Variants in MED15 observed in about 807,000 individuals in gnomAD.
MED15 encodes mediator of RNA polymerase II transcription subunit 15.
Under a neutral mutation model 118.7 loss-of-function variants are expected in MED15, and 41 were observed. The observed-to-expected ratio is 0.35, with a 90% CI of 0.27 to 0.45. The LOEUF (loss-of-function observed/expected upper bound fraction) is 0.45, where lower values mean the gene tolerates loss of function less well. Ranked by LOEUF, MED15 falls within the 20% of genes least tolerant of loss-of-function variation. The probability of loss-of-function intolerance (pLI) is 1.00; values close to 1 mark genes in which losing one functional copy is unlikely to be tolerated. For missense variants in MED15, 740 were observed against 1,025.5 expected, an observed-to-expected ratio of 0.72 and a Z score of 3.80; for synonymous variants, 436 against 413.9, an observed-to-expected ratio of 1.05 and a Z score of -0.65.
At chr22:20,541,002 G>T (rs1343567366) in intron 2 of MED15, among the ~76,000 whole-genome samples, 1 of 152,148 alleles carries the variant, frequency 6.6e-6, no homozygotes, top group African/African-American at 2.4e-5. Context: ...GCCGAGGTGG[G>T]CAGATCACGA....
At chr22:20,536,873 T>G (rs894608691) in intron 1 of MED15, among the ~76,000 whole-genome samples, 14 of 152,196 alleles carry the variant, frequency 9.2e-5, no homozygotes, top group Non-Finnish European at 1.5e-4. Context: ...GCCAGGGCTC[T>G]CTCTTTGCTT....
chr22:20,568,808 G>C (rs1032706679), intron 8 of MED15, among the ~76,000 whole-genome samples, 177 bp downstream of exon 8: 1 of 152,214 alleles, frequency 6.6e-6, no homozygotes, highest in Non-Finnish European at 1.5e-5. Flanking sequence ...GGGGTGGGCA[G>C]CTGTGCTTGG....
intron 1 of MED15, among the ~76,000 whole-genome samples, chr22:20,534,134 C>A (rs1330023508): frequency 6.6e-6 from 1 of 152,170 alleles, no homozygotes; most frequent in Non-Finnish European, 1.5e-5. Context: ...TTCTTCCTCT[C>A]TGACTCCTGG....
chr22:20,524,566 A>G (rs1471678368), intron 1 of MED15, among the ~76,000 whole-genome samples: 4 of 152,186 alleles, frequency 2.6e-5, no homozygotes, highest in African/African-American at 7.2e-5. Context: ...AACTCCATCC[A>G]TACTCTGACT....
rs530829794 is a variant in MED15, at chr22:20,565,079, C to T, written c.690+391C>T. ...GGCGGAGGTTGCAGTGAGCCGAGATCGCGCCGCTGCGCTCCAGCCTGGGCA... is the reference window on the plus strand; with the variant it reads ...GGCGGAGGTTGCAGTGAGCCGAGATTGCGCCGCTGCGCTCCAGCCTGGGCA... On this transcript the variant is annotated intron_variant, in intron 6 of 17. Coordinates refer to ENST00000263205, the MANE Select transcript of MED15 (RefSeq NM_001003891.3). Among the ~76,000 whole-genome samples the T allele has an allele frequency of 3.3e-5, 5 of 152,320 alleles. No individual in the cohort carries two copies. The South Asian group carries it at 8.3e-4, about 25-fold the overall frequency.
intron 1 of MED15, chr22:20,523,555 T>C: frequency 1.7e-6 from 1 of 605,180 alleles, no homozygotes; most frequent in Non-Finnish European, 2.1e-6. Flanking sequence ...TGAGTGCAGA[T>C]CTCTAAAAGA....
intron 2 of MED15, among the ~76,000 whole-genome samples, chr22:20,547,025 A>G (rs2055570779): frequency 6.6e-6 from 1 of 152,230 alleles, no homozygotes; most frequent in South Asian, 2.1e-4. Flanking sequence ...ATTCAAATTT[A>G]AACTTATATA....
chr22:20,565,877 G>C (rs908721344), intron 6 of MED15, among the ~76,000 whole-genome samples: 1 of 152,132 alleles, frequency 6.6e-6, no homozygotes, highest in Non-Finnish European at 1.5e-5. Context: ...AACCATCCTA[G>C]TGGAATGGTA....
rs1405021500 is a variant in MED15, at chr22:20,583,215, G to A, written c.1640G>A (p.Arg547His). 6.2e-7 allele frequency: 1 copy of A among 1,612,000 alleles called. No homozygotes were observed. The highest frequency in any genetic ancestry group is 8.5e-7 in the Non-Finnish European group (1 of 1,179,004). The change falls in exon 12 of 18, where the codon CGC (arginine) becomes CAC (histidine). Residue 547 changes from arginine (R) to histidine (H), a missense_variant. This residue lies in a region of MED15 where 384 missense variants were observed against 506.3 expected (regional missense o/e 0.76). Transcript: ENST00000263205. ...CTGTCGAAGTACATCGAGCCCCTGC[G>A]CCGCATGATCAACAAGATCGACAAG... The part of the protein sequence containing the change: ...KQLSKYIEPL[R>H]RMINKIDKNE...
At chr22:20,534,455 T>C (rs1276570855) in intron 1 of MED15, among the ~76,000 whole-genome samples, 1 of 152,108 alleles carries the variant, frequency 6.6e-6, no homozygotes, top group Non-Finnish European at 1.5e-5. Context: ...GCCCAGGAGT[T>C]TGAAGCTGCA....
At chr22:20,537,331 C>T in intron 2 of MED15, 127 bp downstream of exon 2, 1 of 733,558 alleles carries the variant, frequency 1.4e-6, no homozygotes, top group East Asian at 3.0e-5. Context: ...CGATTGATCA[C>T]AGGCACAGTT....
intron 4 of MED15, 78 bp from the exon 5 acceptor site, chr22:20,554,858 T>G: frequency 1.4e-6 from 2 of 1,394,122 alleles, no homozygotes; most frequent in Non-Finnish European, 1.9e-6. Flanking sequence ...ATCTGTGCTC[T>G]GTGAGCCTTA....
intron 9 of MED15, among the ~76,000 whole-genome samples, chr22:20,576,551 T>C (rs2056829352): frequency 6.6e-6 from 1 of 152,288 alleles, no homozygotes; most frequent in African/African-American, 2.4e-5. Flanking sequence ...AGATGTGCCA[T>C]TCACATAGTT....
intron 1 of MED15, chr22:20,508,050 C>A (rs2053932048): frequency 7.3e-7 from 1 of 1,370,090 alleles, no homozygotes; most frequent in Non-Finnish European, 9.4e-7. Context: ...GCTTTTTGAA[C>A]CACACTGAAT....
Position 20,566,507 on chromosome 22 carries a change from TGCAGCTCCAACAACAGCAACAGCAGCA to T in MED15, c.737_763del (p.Leu246_Gln254del), listed in dbSNP as rs1569229582. The T allele has an allele frequency of 3.1e-6, 5 of 1,609,786 alleles. No homozygotes were observed. The Admixed American group carries it at 8.4e-5, about 27-fold the overall frequency. Reference sequence around the variant, plus strand: ...CAGCAGCTGCAGCGAATAGCACAGCTGCAGCTCCAACAACAGCAACAGCAGCAGCAGCAGCAGCAGCAGCAGCAGCAG... The same window carrying T: ...CAGCAGCTGCAGCGAATAGCACAGCTGCAGCAGCAGCAGCAGCAGCAGCAG... On this transcript the variant is annotated inframe_deletion, in exon 7 of 18. Transcript: ENST00000263205.
rs559181543 is a variant in MED15, at chr22:20,585,148, G to A, written c.2012G>A (p.Arg671Gln). 31 of 1,613,580 alleles carry A rather than the reference G, an allele frequency of 1.9e-5. No homozygotes were observed. Among genetic ancestry groups the A allele is most frequent in the East Asian group, 4.5e-5 (2 of 44,900 alleles). Reference sequence around the variant, plus strand: ...AAGCGCAGGCTTGAGGATGATGAGCGGCAGAGCATCCCCAGTGTGCTCCAG... The same window carrying A: ...AAGCGCAGGCTTGAGGATGATGAGCAGCAGAGCATCCCCAGTGTGCTCCAG... ...TRKRRLEDDE[R>Q]QSIPSVLQGE... is the part of the protein sequence containing the mutation. Residue 671 changes from arginine (R) to glutamine (Q), a missense_variant, in exon 16 of 18, where the codon CGG becomes CAG. Physicochemically the swap from Arg to Gln is conservative, Grantham distance 43. Around this residue, in one of 7 missense-constraint regions of MED15, gnomAD observed 179 missense variants for 259.0 expected, o/e 0.69. Coordinates refer to ENST00000263205, the MANE Select transcript of MED15 (RefSeq NM_001003891.3).
At chr22:20,571,406 T>C (rs1363728580) in intron 8 of MED15, among the ~76,000 whole-genome samples, 1 of 152,226 alleles carries the variant, frequency 6.6e-6, no homozygotes, top group Admixed American at 6.5e-5. Flanking sequence ...TTAAGGATCA[T>C]TGCCCACCTG....
intron 2 of MED15, among the ~76,000 whole-genome samples, chr22:20,542,040 C>T (rs752670101): frequency 6.6e-6 from 1 of 152,154 alleles, no homozygotes; most frequent in Non-Finnish European, 1.5e-5. Flanking sequence ...GTGGTCTACC[C>T]ATCTTGGCCT....
intron 1 of MED15, among the ~76,000 whole-genome samples, chr22:20,519,242 A>G (rs2054359131): frequency 6.6e-6 from 1 of 152,076 alleles, no homozygotes; most frequent in East Asian, 1.9e-4. Context: ...CCTCTAAACC[A>G]TCACCCCATA....
Sources: allele counts gnomAD v4.1 joint callset (sites outside exome capture counted in the v4.1 genomes callset), GRCh38; gene constraint gnomAD v4.1.1; regional missense constraint gnomAD v4.1.1; transcripts MANE v1.5; gene names NCBI Gene and HGNC (gene_info 2026-07-23, HGNC 2026-07-21).